Variants in OVCH1 observed in about 807,000 individuals in gnomAD.
OVCH1 encodes ovochymase-1.
A neutral mutation model predicts 138.4 loss-of-function variants in OVCH1; 139 were observed. That is an observed-to-expected ratio of 1.00 (90% CI 0.87 to 1.16). The LOEUF (loss-of-function observed/expected upper bound fraction) is 1.16, where lower values mean the gene tolerates loss of function less well. Ranked by LOEUF, OVCH1 falls within the 50% of genes most tolerant of loss-of-function variation. The pLI, the probability that OVCH1 is intolerant of heterozygous loss-of-function variation, is 0.00. For synonymous variants in OVCH1, 453 were observed against 467.8 expected, an observed-to-expected ratio of 0.97 and a Z score of 0.41; for missense variants, 1,367 against 1,357.9, an observed-to-expected ratio of 1.01 and a Z score of -0.11.
chr12:29,439,738 C>T (rs1292859090), intron 25 of OVCH1, among the ~76,000 whole-genome samples, 115 bp downstream of exon 26: 1 of 152,184 alleles, frequency 6.6e-6, no homozygotes, highest in African/African-American at 2.4e-5. Flanking sequence ...ATTGCAAGTC[C>T]AGGTTGTCAC....
At chr12:29,435,128 C>T (rs1865773) in intron 26 of OVCH1, among the ~76,000 whole-genome samples, 1,851 of 152,308 alleles carry the variant, frequency 0.012, 134 homozygotes, top group Admixed American at 0.11. Context: ...AAATTTATAA[C>T]AGGCAAGTTG....
intron 4 of OVCH1, among the ~76,000 whole-genome samples, chr12:29,494,541 T>G (rs896656055): frequency 5.9e-5 from 9 of 152,150 alleles, no homozygotes; most frequent in African/African-American, 1.9e-4. Flanking sequence ...CAGGAGTCCT[T>G]AAAATACCAG....
intron 21 of OVCH1, among the ~76,000 whole-genome samples, chr12:29,452,170 G>A (rs748424634): frequency 2.6e-5 from 4 of 151,942 alleles, no homozygotes; most frequent in Non-Finnish European, 4.4e-5. Context: ...CTTCCTTTAT[G>A]TCTATTCCTT....
rs767037844 is a variant in OVCH1 at position 29,486,358 on chromosome 12, G to T, written c.893-10C>A. On this transcript the variant is annotated splice_polypyrimidine_tract_variant and intron_variant, in intron 7 of 27. Coordinates refer to ENST00000318184, the Ensembl canonical transcript of OVCH1. ...TGGCCCCGATCCAAACCTGTAAAAG[G>T]TATAAGGAGTTAGTGCCTTTCCCAA... The T allele has an allele frequency of 3.7e-5, 58 of 1,585,948 alleles. No homozygotes were observed. The highest frequency in any genetic ancestry group is 4.7e-5 in the Non-Finnish European group (54 of 1,158,534).
intron 16 of OVCH1, among the ~76,000 whole-genome samples, chr12:29,469,602 G>A (rs961436857): frequency 6.6e-6 from 1 of 152,010 alleles, no homozygotes. Flanking sequence ...CAGGAAAGTG[G>A]GGCACTGTGG....
At chr12:29,404,646 G>A in the OVCH1 span, among the ~76,000 whole-genome samples, 46,877 of 151,868 alleles carry the variant, frequency 0.31, 8,505 homozygotes, top group Middle Eastern at 0.52. Context: ...ATGGTTTTCA[G>A]TGACATGAAA....
At chr12:29,435,891 C>T (rs1941349798) in intron 26 of OVCH1, among the ~76,000 whole-genome samples, 1 of 152,004 alleles carries the variant, frequency 6.6e-6, no homozygotes, top group African/African-American at 2.4e-5. Flanking sequence ...CTATTTATAG[C>T]CTTAAAATTA....
Position 29,472,051 on chromosome 12 carries a change from GCCATA to G in OVCH1, c.1676-74_1676-70del, listed in dbSNP as rs1298768618. 110 of 1,423,530 alleles carry G rather than the reference GCCATA, an allele frequency of 7.7e-5. No individual in the cohort carries two copies. In the African/African-American group the frequency reaches 1.3e-3, roughly 17 times the overall value. 88.2% of individuals were successfully genotyped at this position (1,423,530 alleles called of 1,614,324 possible). On this transcript the variant is annotated intron_variant, in intron 15 of 27. Coordinates refer to ENST00000318184, the Ensembl canonical transcript of OVCH1. ...TTAGAACATACTCCTCCAATAGCTT[GCCATA>G]GTTAACAGTAGTGATTCTCAAACAT...
chr12:29,472,205 A>G (rs1942536873), intron 15 of OVCH1, among the ~76,000 whole-genome samples: 1 of 152,178 alleles, frequency 6.6e-6, no homozygotes, highest in African/African-American at 2.4e-5. Flanking sequence ...AATTTTATTT[A>G]TTCATTTAGC....
rs773549046 is a variant in OVCH1, at chr12:29,475,049, G to A, written c.1600+12C>T. 3 of 1,576,608 alleles carry A rather than the reference G, an allele frequency of 1.9e-6. No homozygotes were observed. Among genetic ancestry groups the A allele is most frequent in the Non-Finnish European group, 2.6e-6 (3 of 1,159,928 alleles). On this transcript the variant is annotated intron_variant, in intron 14 of 27. Transcript: ENST00000318184. ...AAACAAAAGTCCTTATTACACAAAT[G>A]TTTATACTCACCTGAGGGCAAAATG...
intron 27 of OVCH1, among the ~76,000 whole-genome samples, chr12:29,433,286 ATGT>A (rs921731914): frequency 1.3e-5 from 2 of 151,996 alleles, no homozygotes; most frequent in African/African-American, 4.8e-5. Flanking sequence ...GGCTTTTCCC[ATGT>A]TGTTCTCGTG....
chr12:29,466,319 GTATT>G (rs1326514062), intron 16 of OVCH1, among the ~76,000 whole-genome samples: 10 of 152,072 alleles, frequency 6.6e-5, no homozygotes, highest in South Asian at 2.1e-4. Context: ...TCTCAGTACT[GTATT>G]TATCAATATC....
intron 19 of OVCH1, among the ~76,000 whole-genome samples, chr12:29,458,960 G>A (rs1404071244): frequency 6.6e-6 from 1 of 152,116 alleles, no homozygotes; most frequent in Non-Finnish European, 1.5e-5. Flanking sequence ...AGTTAAAATG[G>A]CTTTTATCCA....
chr12:29,478,980 G>A lies in OVCH1; in HGVS notation c.996-72C>T. The A allele has an allele frequency of 9.4e-7, 1 of 1,058,258 alleles. No individual in the cohort carries two copies. Among genetic ancestry groups the A allele is most frequent in the Non-Finnish European group, 1.3e-6 (1 of 751,720 alleles). The allele number at this position is 1,058,258 out of a possible 1,614,324, so 65.6% of individuals were successfully genotyped here. A position where few individuals can be genotyped will look rare whatever the true frequency, so the allele number is the denominator to read the frequency against. ...TCCAAACATATAAGCTGGGGTAGGG[G>A]AAGGTGAAGAAAATGTAATAAATGG... On this transcript the variant is annotated intron_variant, in intron 8 of 27. Coordinates refer to ENST00000318184, the Ensembl canonical transcript of OVCH1.
Position 29,462,017 on chromosome 12 carries a change from G to A in OVCH1, c.2126-9C>T. On this transcript the variant is annotated splice_polypyrimidine_tract_variant and intron_variant, in intron 18 of 27. Transcript: ENST00000318184. ...ACTTGCTAGGCCACCATCTAATGAA[G>A]AAACATTCAGAGAGAGCTCGATGAT... 2.5e-6 allele frequency: 4 copies of A among 1,610,112 alleles called. No homozygotes were observed. The highest frequency in any genetic ancestry group is 3.4e-6 in the Non-Finnish European group (4 of 1,176,944).
At chr12:29,484,166 G>T (rs1281067333) in intron 8 of OVCH1, among the ~76,000 whole-genome samples, 1 of 152,148 alleles carries the variant, frequency 6.6e-6, no homozygotes, top group East Asian at 1.9e-4. Flanking sequence ...GCTACATTTA[G>T]ATATATTTCA....
In OVCH1 at chr12:29,471,835, A is replaced by C. The variant is rs778070960; in HGVS notation, c.1823T>G (p.Val608Gly). The C allele has an allele frequency of 3.1e-6, 5 of 1,612,620 alleles. No individual in the cohort carries two copies. The Admixed American group carries it at 8.4e-5, about 27-fold the overall frequency. The change falls in exon 16 of 28, where the codon GTG becomes GGG. Residue 608 changes from valine (V) to glycine (G), a missense_variant. Coordinates refer to ENST00000318184, the Ensembl canonical transcript of OVCH1. ...ACAGTGGGCTGCGGTCAGAATCCAC[A>C]CTGGGTTGATGATGGCACCTCCACA...
In OVCH1 at chr12:29,497,008, C is replaced by T. The variant is rs556430265; in HGVS notation, c.65-334G>A. On this transcript the variant is annotated intron_variant, in intron 1 of 27. Coordinates refer to ENST00000318184, the Ensembl canonical transcript of OVCH1. Reference sequence around the variant, plus strand: ...ACCAGGAGCCACATGCAGTGGTTCCCGCCTGTAATCCCAGCACTTTGGGAG... The same window carrying T: ...ACCAGGAGCCACATGCAGTGGTTCCTGCCTGTAATCCCAGCACTTTGGGAG... 1.1e-3 allele frequency among the ~76,000 whole-genome samples: 167 copies of T among 152,254 alleles called. 2 individuals are homozygous for T. In the South Asian group the frequency reaches 0.013, roughly 12 times the overall value.
downstream of OVCH1, among the ~76,000 whole-genome samples, chr12:29,422,853 C>T (rs1351063259): frequency 6.6e-6 from 1 of 151,996 alleles, no homozygotes; most frequent in Non-Finnish European, 1.5e-5. Context: ...CTTGAATGTC[C>T]CCACTGGGTC....
Sources: gnomAD v4.1 joint callset for allele counts (sites outside exome capture counted in the v4.1 genomes callset) on GRCh38, gnomAD v4.1.1 for gene constraint, MANE v1.5 for transcripts, NCBI Gene and HGNC (gene_info 2026-07-23, HGNC 2026-07-21) for gene names.